CADM2: variants seen among roughly 807,000 people sequenced by gnomAD.
CADM2 encodes the protein cell adhesion molecule 2, also known as immunoglobulin superfamily member 4D.
In CADM2, 12 loss-of-function variants were observed where a neutral mutation model predicts 49.8. That is an observed-to-expected ratio of 0.24 (90% confidence interval 0.15 to 0.39). The LOEUF is 0.39. CADM2 is among the 10% of genes least tolerant of loss of function. The pLI, the probability that CADM2 is intolerant of heterozygous loss-of-function variation, is 1.00. For missense variants in CADM2, 378 were observed against 492.3 expected (o/e 0.77, Z 2.20); for synonymous variants, 214 against 175.4 (o/e 1.22, Z -1.74).
At chr3:85,425,252 C>T (rs2107507125) in intron 1 of CADM2, among the ~76,000 whole-genome samples, 1 of 152,302 alleles carries the variant, frequency 6.6e-6, no homozygotes, top group Middle Eastern at 3.4e-3. Flanking sequence ...CTATAAATTA[C>T]CAGACTTAAT....
intron 1 of CADM2, among the ~76,000 whole-genome samples, chr3:85,499,593 A>T (rs2040035129): frequency 6.6e-6 from 1 of 151,672 alleles, no homozygotes; most frequent in South Asian, 2.1e-4. Flanking sequence ...TAATTCTAAA[A>T]TTTTATATAT....
chr3:85,991,965 A>T (rs1021181457), intron 8 of CADM2, among the ~76,000 whole-genome samples: 24 of 152,034 alleles, frequency 1.6e-4, no homozygotes, highest in African/African-American at 5.3e-4. Flanking sequence ...TCAGTAAATT[A>T]AATAACTATG....
At chr3:85,287,494 A>C (rs1311313108) in intron 1 of CADM2, among the ~76,000 whole-genome samples, 1 of 152,102 alleles carries the variant, frequency 6.6e-6, no homozygotes, top group Non-Finnish European at 1.5e-5. Context: ...TAATCATTGA[A>C]CACTAATGAG....
At chr3:85,863,318 A>C (rs900547553) in intron 3 of CADM2, among the ~76,000 whole-genome samples, 1 of 152,132 alleles carries the variant, frequency 6.6e-6, no homozygotes, top group South Asian at 2.1e-4. Context: ...TTTAATTGCC[A>C]ATGTCATTGC....
At chr3:85,951,895 G>A (rs950157110) in intron 7 of CADM2, among the ~76,000 whole-genome samples, 22 of 150,998 alleles carry the variant, frequency 1.5e-4, no homozygotes, top group African/African-American at 5.1e-4. Flanking sequence ...ATGGAGAAAG[G>A]GAAAAAACAA....
chr3:85,146,242 G>T (rs1190973493), intron 1 of CADM2, among the ~76,000 whole-genome samples: 1 of 152,004 alleles, frequency 6.6e-6, no homozygotes, highest in Non-Finnish European at 1.5e-5. Flanking sequence ...GATCTTGATG[G>T]CCTTTTATAA....
chr3:85,033,021 A>C (rs1020941810), intron 1 of CADM2, among the ~76,000 whole-genome samples: 2 of 152,170 alleles, frequency 1.3e-5, no homozygotes, highest in Non-Finnish European at 2.9e-5. Context: ...AGGAAAAGAG[A>C]GAATAAGGAA....
chr3:85,496,635 C>G (rs1299656992), intron 1 of CADM2, among the ~76,000 whole-genome samples: 2 of 152,120 alleles, frequency 1.3e-5, no homozygotes, highest in Non-Finnish European at 2.9e-5. Flanking sequence ...TCCACAGTGG[C>G]TGAACTAATT....
At chr3:85,838,931 T>C (rs2074519134) in intron 3 of CADM2, among the ~76,000 whole-genome samples, 1 of 151,832 alleles carries the variant, frequency 6.6e-6, no homozygotes, top group African/African-American at 2.4e-5. Context: ...GCAAATTCAC[T>C]TAGGGGTGCT....
chr3:85,555,114 A>T (rs1197118961), intron 1 of CADM2, among the ~76,000 whole-genome samples: 1 of 152,150 alleles, frequency 6.6e-6, no homozygotes, highest in South Asian at 2.1e-4. Context: ...CTGTGTTTTT[A>T]TAAGTAAAGT....
intron 1 of CADM2, among the ~76,000 whole-genome samples, chr3:85,203,407 A>G (rs2041557959): frequency 4.6e-5 from 7 of 152,140 alleles, no homozygotes; most frequent in Admixed American, 4.6e-4. Flanking sequence ...AGAAAGTGTC[A>G]AGGGAAGGGT....
chr3:86,030,011 G>A (rs1734369204), intron 8 of CADM2, among the ~76,000 whole-genome samples: 1 of 151,964 alleles, frequency 6.6e-6, no homozygotes, highest in African/African-American at 2.4e-5. Flanking sequence ...GATCAAAAGT[G>A]ATTTCAAGTA....
chr3:85,384,197 G>T (rs2034072810), intron 1 of CADM2, among the ~76,000 whole-genome samples: 1 of 150,950 alleles, frequency 6.6e-6, no homozygotes, highest in Admixed American at 6.6e-5. Context: ...ACATCCCATT[G>T]TTATATATTT....
At chr3:85,137,605 AT>A (rs1226864877) in intron 1 of CADM2, among the ~76,000 whole-genome samples, 2 of 152,044 alleles carry the variant, frequency 1.3e-5, no homozygotes, top group Non-Finnish European at 2.9e-5. Flanking sequence ...ATAAATACTA[AT>A]TTTCACAACT....
chr3:85,565,885 T>C (rs551330347), intron 1 of CADM2, among the ~76,000 whole-genome samples: 761 of 42,084 alleles, frequency 0.018, 6 homozygotes, highest in Non-Finnish European at 0.051. Flanking sequence ...TAACTTACAC[T>C]TTTTTTTTTG....
chr3:85,454,573 C>T (rs1180591619), intron 1 of CADM2, among the ~76,000 whole-genome samples: 2 of 152,204 alleles, frequency 1.3e-5, no homozygotes, highest in Admixed American at 1.3e-4. Flanking sequence ...AGATATAGAA[C>T]CAAAATGCTC....
chr3:85,414,367 C>T (rs768533616), intron 1 of CADM2, among the ~76,000 whole-genome samples: 25 of 152,006 alleles, frequency 1.6e-4, no homozygotes, highest in African/African-American at 4.6e-4. Context: ...AAAAAATAAT[C>T]GAGAGAAATA....
chr3:86,052,859 T>C (rs143092252), intron 8 of CADM2, among the ~76,000 whole-genome samples: 6 of 152,264 alleles, frequency 3.9e-5, no homozygotes, highest in African/African-American at 1.2e-4. Context: ...ACTTTCTTTT[T>C]CTTTCTTTTT....
intron 1 of CADM2, among the ~76,000 whole-genome samples, chr3:85,134,909 T>C (rs1177006339): frequency 6.6e-6 from 1 of 152,092 alleles, no homozygotes; most frequent in Non-Finnish European, 1.5e-5. Context: ...TCCAGTAGTT[T>C]GAATACTGTT....
Sources: allele counts gnomAD v4.1 joint callset (sites outside exome capture counted in the v4.1 genomes callset), GRCh38; gene constraint gnomAD v4.1.1; transcripts MANE v1.5; gene names NCBI Gene and HGNC (gene_info 2026-07-23, HGNC 2026-07-21).